HELZ2: variants seen among roughly 807,000 people sequenced by gnomAD.
HELZ2 encodes 3'-5' exoribonuclease HELZ2.
HELZ2 carries 143 observed loss-of-function variants against 208.8 expected under a neutral mutation model. The observed-to-expected ratio is 0.68, with a 90% CI of 0.60 to 0.79. The LOEUF is 0.79. Ranked by LOEUF, HELZ2 falls within the 30% of genes least tolerant of loss-of-function variation. HELZ2 has a pLI of 0.00. For missense variants in HELZ2, 3,690 were observed against 3,794.5 expected, an observed-to-expected ratio of 0.97 and a Z score of 0.72; for synonymous variants, 1,705 against 1,693.7, an observed-to-expected ratio of 1.01 and a Z score of -0.16.
At chr20:63,572,455 C>A (rs1179352039) in exon 1 of HELZ2, 4 of 1,419,872 alleles carry the variant, frequency 2.8e-6, no homozygotes, top group East Asian at 5.0e-5. Flanking sequence ...GCCCCACAAA[C>A]CTGCAGTAGG....
chr20:63,562,644 G>T, exon 8 of HELZ2: 2 of 1,594,928 alleles, frequency 1.3e-6, no homozygotes, highest in Admixed American at 1.7e-5. Flanking sequence ...GGAGCCTCCT[G>T]CCGGTCTGCC....
exon 5 of HELZ2, chr20:63,568,443 C>T: frequency 6.2e-7 from 1 of 1,603,338 alleles, no homozygotes; most frequent in Non-Finnish European, 8.5e-7. Flanking sequence ...TAGGTCTTGC[C>T]GGTGCCAAAG....
exon 8 of HELZ2, chr20:63,562,523 T>G: frequency 1.9e-6 from 3 of 1,574,538 alleles, no homozygotes; most frequent in Non-Finnish European, 2.6e-6. Context: ...CACTCACAGA[T>G]CAGGAAGCTG....
exon 8 of HELZ2, chr20:63,563,657 C>T (rs765105213): frequency 4.5e-6 from 7 of 1,559,048 alleles, no homozygotes; most frequent in Admixed American, 1.9e-5. Flanking sequence ...GCGCGCCCGC[C>T]GCTGATAGCT....
At chr20:63,562,467 G>T (rs896815602) in intron 8 of HELZ2, 53 bp downstream of exon 9, 5 of 1,525,964 alleles carry the variant, frequency 3.3e-6, no homozygotes, top group East Asian at 4.9e-5. Flanking sequence ...TCCTGCAAGT[G>T]AGGGGCCCGG....
At chr20:63,562,455 C>A (rs775234724) in intron 8 of HELZ2, 65 bp downstream of exon 9, 42 of 1,528,306 alleles carry the variant, frequency 2.7e-5, no homozygotes, top group Admixed American at 6.2e-5. Context: ...CGAGCTCCCC[C>A]CTCCTGCAAG....
exon 5 of HELZ2, chr20:63,568,697 C>G (rs1296695270): frequency 2.5e-6 from 4 of 1,605,674 alleles, no homozygotes; most frequent in Admixed American, 3.3e-5. Context: ...CAGGACCAGG[C>G]GGGCCTCAGG....
exon 8 of HELZ2, chr20:63,565,894 A>C: frequency 1.3e-6 from 2 of 1,597,174 alleles, no homozygotes; most frequent in East Asian, 2.2e-5. Flanking sequence ...GCTCTGGGGC[A>C]GCCTCCCAGT....
chr20:63,567,152 G>C, exon 6 of HELZ2: 1 of 1,610,272 alleles, frequency 6.2e-7, no homozygotes, highest in Non-Finnish European at 8.5e-7. Flanking sequence ...AAGACCAGGC[G>C]GCTCTGCCGC....
At chr20:63,569,783 A>T in intron 3 of HELZ2, 118 bp from the exon 5 acceptor site, 13 of 1,156,586 alleles carry the variant, frequency 1.1e-5, no homozygotes, top group Middle Eastern at 3.0e-4. Context: ...CACTTCCTGG[A>T]TAGAACGCAA....
rs370811443 is a variant in HELZ2, at chr20:63,563,640, G to A, written c.5182C>T (p.His1728Tyr). 1.0e-4 allele frequency: 155 copies of A among 1,545,314 alleles called. No homozygotes were observed. The African/African-American group carries it at 1.9e-3, about 19-fold the overall frequency. Residue 1728 changes from histidine (H) to tyrosine (Y), a missense_variant, in exon 8 of 19, where the codon CAC (histidine) becomes TAC (tyrosine). His to Tyr is a moderately conservative substitution (Grantham distance 83). Around this residue, in one of 3 missense-constraint regions of HELZ2, gnomAD observed 2,564 missense variants for 2,580.5 expected, o/e 0.99. Transcript: ENST00000467148. ...TGGGCCTTGAGCTGCACGGCCAGGTGCAGGCTGCGCGCCCGCCGCTGATAG... is the reference window on the plus strand; with the variant it reads ...TGGGCCTTGAGCTGCACGGCCAGGTACAGGCTGCGCGCCCGCCGCTGATAG...
In HELZ2 at chr20:63,569,140, C is replaced by G; in HGVS notation, c.1088+8G>C. On this transcript the variant is annotated splice_region_variant and intron_variant, in intron 4 of 18. Coordinates refer to ENST00000467148, the Ensembl canonical transcript of HELZ2. ...CTACCCCAGCTGCTCCTGTTGCCCCCAGCTCACTTGGCCACCAGCTGCTGC... is the reference window on the plus strand; with the variant it reads ...CTACCCCAGCTGCTCCTGTTGCCCCGAGCTCACTTGGCCACCAGCTGCTGC... The G allele has an allele frequency of 1.3e-6, 2 of 1,565,052 alleles. No homozygotes were observed. The highest frequency in any genetic ancestry group is 2.3e-5 in the East Asian group (1 of 44,356).
exon 8 of HELZ2, chr20:63,562,602 C>G: frequency 6.3e-7 from 1 of 1,598,262 alleles, no homozygotes; most frequent in Non-Finnish European, 8.5e-7. Context: ...TTCTCCATGC[C>G]CATGTGGTGG....
Position 63,560,363 on chromosome 20 carries a change from G to A in HELZ2, c.7501-36C>T. 5 of 1,521,792 alleles carry A rather than the reference G, an allele frequency of 3.3e-6. No individual in the cohort carries two copies. The African/African-American group carries it at 4.4e-5, about 13-fold the overall frequency. The allele number at this position is 1,521,792 out of a possible 1,614,324, so 94.3% of individuals were successfully genotyped here. A position where few individuals can be genotyped will look rare whatever the true frequency, so the allele number is the denominator to read the frequency against. ...GAGGGGGCAGGTGGAGCGGACCCTG[G>A]TGTCTCTCCTGCCCTCCTCCAGGAA... is the stretch of plus-strand genomic sequence containing the variant. On this transcript the variant is annotated intron_variant, in intron 16 of 18. Coordinates refer to ENST00000467148, the Ensembl canonical transcript of HELZ2.
Position 63,563,580 on chromosome 20 carries a change from C to A in HELZ2, c.5242G>T (p.Glu1748Ter), listed in dbSNP as rs1360326916. Reference sequence around the variant, plus strand: ...AGCCGGAAGCAGCGGGAGCCCGCCTCCACGTCCACCACGAAGCCCAGCTTG... The same window carrying A: ...AGCCGGAAGCAGCGGGAGCCCGCCTACACGTCCACCACGAAGCCCAGCTTG... The change falls in exon 8 of 19, where the codon GAG becomes TAG. Residue 1748 changes from glutamate (E) to a stop codon, truncating the protein, a stop_gained. Coordinates refer to ENST00000467148, the Ensembl canonical transcript of HELZ2. LOFTEE classifies it high-confidence loss of function. 20 of 1,529,208 alleles carry A rather than the reference C, an allele frequency of 1.3e-5. No homozygotes were observed. The highest frequency in any genetic ancestry group is 1.7e-5 in the Non-Finnish European group (19 of 1,140,352). The allele number at this position is 1,529,208 out of a possible 1,614,324, so 94.7% of individuals were successfully genotyped here. A position where few individuals can be genotyped will look rare whatever the true frequency, so the allele number is the denominator to read the frequency against.
chr20:63,565,995 G>C, exon 8 of HELZ2: 1 of 1,598,384 alleles, frequency 6.3e-7, no homozygotes, highest in Non-Finnish European at 8.5e-7. Context: ...AGGCCCTCGG[G>C]GCAGACACTG....
exon 15 of HELZ2, chr20:63,560,871 T>C: frequency 6.2e-7 from 1 of 1,613,284 alleles, no homozygotes; most frequent in Non-Finnish European, 8.5e-7. Context: ...ACCCAGGTTT[T>C]GCAGCCGCTC....
intron 1 of HELZ2, chr20:63,571,448 ACGGTGGGCTCCTGCCCTG>A (rs2083015266): frequency 1.8e-5 from 2 of 111,020 alleles, no homozygotes; most frequent in Non-Finnish European, 1.7e-5. Flanking sequence ...GGCTCTGCCT[ACGGTGGGCTCCTGCCCTG>A]CTCCAAGCTC....
At chr20:63,560,545 G>A in exon 16 of HELZ2, 2 of 1,612,918 alleles carry the variant, frequency 1.2e-6, no homozygotes, top group Non-Finnish European at 1.7e-6. Flanking sequence ...ACACCAGCAG[G>A]CTCCGCTCGT....
Sources: gnomAD v4.1 joint callset for allele counts on GRCh38, gnomAD v4.1.1 for gene constraint, gnomAD v4.1.1 regional missense constraint, MANE v1.5 for transcripts, NCBI Gene and HGNC (gene_info 2026-07-23, HGNC 2026-07-21) for gene names.